TBC1D5: variants seen among roughly 807,000 people sequenced by gnomAD.
TBC1D5 encodes the protein TBC1 domain family member 5, also known as TBC1 domain family, member 5.
A neutral mutation model predicts 100.3 loss-of-function variants in TBC1D5; 75 were observed. That is an observed-to-expected ratio of 0.75 (90% confidence interval 0.62 to 0.91). The LOEUF (loss-of-function observed/expected upper bound fraction) is 0.91, where lower values mean the gene tolerates loss of function less well. TBC1D5 is among the 40% of genes least tolerant of loss of function. TBC1D5 has a pLI of 0.00. For synonymous variants in TBC1D5, 323 were observed against 325.6 expected (o/e 0.99, Z 0.09); for missense variants, 910 against 942.4 (o/e 0.97, Z 0.45).
chr3:17,670,352 T>C (rs2067801132), intron 1 of TBC1D5, among the ~76,000 whole-genome samples: 1 of 152,206 alleles, frequency 6.6e-6, no homozygotes, highest in African/African-American at 2.4e-5. Context: ...GCACATTATA[T>C]GGTGTCCGTA....
intron 16 of TBC1D5, among the ~76,000 whole-genome samples, chr3:17,254,766 T>TTG (rs746122732): frequency 6.8e-5 from 5 of 73,172 alleles, no homozygotes; most frequent in African/African-American, 1.7e-4. Flanking sequence ...GTGGCGGGGG[T>TTG]GGGGGGGGGG....
At chr3:17,301,728 A>C (rs2082865519) in intron 14 of TBC1D5, among the ~76,000 whole-genome samples, 2 of 152,200 alleles carry the variant, frequency 1.3e-5, no homozygotes, top group Non-Finnish European at 2.9e-5. Context: ...GAGCTAGAAT[A>C]ATAGGAAAAG....
At chr3:17,488,017 A>C (rs996027956) in intron 3 of TBC1D5, among the ~76,000 whole-genome samples, 2 of 151,996 alleles carry the variant, frequency 1.3e-5, no homozygotes, top group Non-Finnish European at 2.9e-5. Flanking sequence ...ATTAAGCTTC[A>C]CTCTTTGTGC....
At chr3:17,715,253 G>C (rs1405322750) in intron 1 of TBC1D5, among the ~76,000 whole-genome samples, 2 of 152,014 alleles carry the variant, frequency 1.3e-5, no homozygotes, top group Non-Finnish European at 2.9e-5. Flanking sequence ...AACTTACCTG[G>C]GTCCAAGAGA....
chr3:17,487,588 G>T (rs554962245), intron 3 of TBC1D5, among the ~76,000 whole-genome samples: 2 of 152,246 alleles, frequency 1.3e-5, no homozygotes, highest in Non-Finnish European at 2.9e-5. Context: ...AACCAAAAAG[G>T]TTTGAGCTAC....
At chr3:17,617,956 C>A in intron 2 of TBC1D5, among the ~76,000 whole-genome samples, 1 of 152,274 alleles carries the variant, frequency 6.6e-6, no homozygotes, top group South Asian at 2.1e-4. Context: ...CAAGGAGCTG[C>A]GATGTTTTGG....
At chr3:17,733,129 GA>G (rs1321459234) in intron 1 of TBC1D5, among the ~76,000 whole-genome samples, 3 of 152,176 alleles carry the variant, frequency 2.0e-5, no homozygotes, top group Non-Finnish European at 1.5e-5. Context: ...TCCAGAGAGA[GA>G]ATCATGAAGC....
chr3:17,229,338 G>A (rs2075213358), intron 17 of TBC1D5, among the ~76,000 whole-genome samples: 1 of 152,158 alleles, frequency 6.6e-6, no homozygotes, highest in African/African-American at 2.4e-5. Flanking sequence ...TGAAAGACAT[G>A]CATCTTGCTG....
At chr3:17,627,454 A>C (rs1431522687) in intron 1 of TBC1D5, among the ~76,000 whole-genome samples, 2 of 152,218 alleles carry the variant, frequency 1.3e-5, no homozygotes, top group African/African-American at 4.8e-5. Context: ...CTACACTAAC[A>C]AAATCTATAA....
chr3:17,362,653 G>C (rs2091823073), intron 13 of TBC1D5, among the ~76,000 whole-genome samples: 1 of 152,112 alleles, frequency 6.6e-6, no homozygotes, highest in Admixed American at 6.5e-5. Flanking sequence ...TGTATGTTTA[G>C]TAGAGATGGG....
intron 18 of TBC1D5, among the ~76,000 whole-genome samples, chr3:17,188,971 T>C (rs1462750073): frequency 2.6e-5 from 4 of 152,220 alleles, no homozygotes; most frequent in Admixed American, 6.5e-5. Flanking sequence ...CCTTCCATTA[T>C]AGGAGGGCAT....
chr3:17,499,274 T>C (rs1296360116), intron 3 of TBC1D5, among the ~76,000 whole-genome samples: 1 of 152,194 alleles, frequency 6.6e-6, no homozygotes. Context: ...TAGTTATTCA[T>C]TTCACTACCA....
chr3:17,307,062 A>G (rs1261829602), intron 14 of TBC1D5, among the ~76,000 whole-genome samples: 1 of 152,224 alleles, frequency 6.6e-6, no homozygotes, highest in African/African-American at 2.4e-5. Flanking sequence ...TTAAAAAAGT[A>G]TAATCTAAAA....
chr3:17,381,627 CTGCTATT>C (rs2092947798), intron 9 of TBC1D5, among the ~76,000 whole-genome samples: 1 of 152,014 alleles, frequency 6.6e-6, no homozygotes, highest in African/African-American at 2.4e-5. Context: ...ACGGGGTCTT[CTGCTATT>C]TGCTCCCAAA....
intron 15 of TBC1D5, among the ~76,000 whole-genome samples, chr3:17,284,089 T>TACACACACACACACACAC (rs58307801): frequency 0.073 from 9,673 of 132,428 alleles, 453 homozygotes; most frequent in African/African-American, 0.09. Flanking sequence ...CTCATTATTT[T>TACACACACACACACACAC]ACACACACAC....
chr3:17,504,659 A>T (rs1034806300), intron 3 of TBC1D5, among the ~76,000 whole-genome samples: 1 of 152,120 alleles, frequency 6.6e-6, no homozygotes, highest in Non-Finnish European at 1.5e-5. Flanking sequence ...GTCACTAAAG[A>T]GTTGTAAGCC....
intron 8 of TBC1D5, among the ~76,000 whole-genome samples, chr3:17,398,524 A>G (rs1347290907): frequency 2.0e-5 from 3 of 152,146 alleles, no homozygotes; most frequent in African/African-American, 7.2e-5. Flanking sequence ...GATGTTTGAG[A>G]TAATTACTAA....
chr3:17,662,614 T>A (rs2066773530), intron 1 of TBC1D5, among the ~76,000 whole-genome samples: 1 of 152,218 alleles, frequency 6.6e-6, no homozygotes, highest in Admixed American at 6.5e-5. Flanking sequence ...TTTGCTTTAC[T>A]CTTTTAATTT....
chr3:17,613,139 G>A (rs1021806410), intron 2 of TBC1D5, among the ~76,000 whole-genome samples: 1 of 152,076 alleles, frequency 6.6e-6, no homozygotes, highest in Non-Finnish European at 1.5e-5. Flanking sequence ...TGCAGTGTTT[G>A]GTTTTCTGTC....
Sources: allele counts gnomAD v4.1 joint callset (sites outside exome capture counted in the v4.1 genomes callset), GRCh38; gene constraint gnomAD v4.1.1; transcripts MANE v1.5; gene names NCBI Gene and HGNC (gene_info 2026-07-23, HGNC 2026-07-21).